Variants in CUX1 observed in about 807,000 individuals in gnomAD.
CUX1 encodes the protein cut like homeobox 1, also known as protein CASP.
In CUX1, 31 loss-of-function variants were observed where a neutral mutation model predicts 158.8. The ratio of observed to expected loss-of-function variants is 0.20; its 90% CI spans 0.15 to 0.26. CUX1 has a LOEUF of 0.26. CUX1 is among the 10% of genes least tolerant of loss of function. The probability of loss-of-function intolerance (pLI) is 1.00; values close to 1 mark genes in which losing one functional copy is unlikely to be tolerated. For synonymous variants in CUX1, 879 were observed against 862.1 expected (o/e 1.02, Z -0.34); for missense variants, 1,589 against 2,014.6 (o/e 0.79, Z 4.04).
intron 6 of CUX1, 114 bp downstream of exon 6, chr7:102,104,573 A>C: frequency 2.2e-6 from 3 of 1,343,018 alleles, no homozygotes; most frequent in Non-Finnish European, 2.0e-6. Flanking sequence ...GTAACCCCAA[A>C]TCTATAAGGG....
intron 20 of CUX1, among the ~76,000 whole-genome samples, chr7:102,216,790 ACTCTCC>A (rs1554525002): frequency 5.1e-5 from 2 of 39,424 alleles, no homozygotes; most frequent in Admixed American, 4.5e-4. Context: ...CCACACACAC[ACTCTCC>A]CACACACACC....
At chr7:102,019,503 G>A (rs1819086752) in intron 2 of CUX1, among the ~76,000 whole-genome samples, 1 of 152,142 alleles carries the variant, frequency 6.6e-6, no homozygotes, top group African/African-American at 2.4e-5. Flanking sequence ...GGGATTACAG[G>A]TATGAGCCAC....
At chr7:102,095,546 A>C (rs1419136046) in intron 4 of CUX1, among the ~76,000 whole-genome samples, 1 of 152,130 alleles carries the variant, frequency 6.6e-6, no homozygotes, top group Admixed American at 6.6e-5. Flanking sequence ...TAAACTCTGC[A>C]AAGACGCTGG....
At chr7:102,001,628 G>A (rs746303502) in intron 2 of CUX1, among the ~76,000 whole-genome samples, 1 of 152,214 alleles carries the variant, frequency 6.6e-6, no homozygotes, top group Non-Finnish European at 1.5e-5. Context: ...ACAGGCGTGA[G>A]CCACCGCGCC....
At chr7:102,170,616 C>G in intron 10 of CUX1, 66 bp downstream of exon 10, 2 of 1,098,456 alleles carry the variant, frequency 1.8e-6, no homozygotes, top group Non-Finnish European at 2.7e-6. Context: ...GTTACAGCCG[C>G]TTGCTCCTTT....
downstream of CUX1, among the ~76,000 whole-genome samples, chr7:102,262,833 C>G (rs1328083957): frequency 6.6e-5 from 10 of 152,110 alleles, no homozygotes; most frequent in Non-Finnish European, 1.3e-4. Flanking sequence ...CTAATACATA[C>G]CGAAGGCTGA....
intron 20 of CUX1, among the ~76,000 whole-genome samples, chr7:102,213,472 C>T (rs1324580032): frequency 2.0e-5 from 3 of 152,352 alleles, no homozygotes; most frequent in South Asian, 4.1e-4. Flanking sequence ...TGAGGGCTCA[C>T]ATAACTCTCG....
intron 3 of CUX1, among the ~76,000 whole-genome samples, chr7:102,035,130 A>G (rs1821279616): frequency 6.6e-6 from 1 of 151,924 alleles, no homozygotes; most frequent in South Asian, 2.1e-4. Context: ...AATACCTACT[A>G]TTGCTACTTT....
intron 10 of CUX1, among the ~76,000 whole-genome samples, chr7:102,175,773 G>T (rs1231549401): frequency 1.3e-5 from 2 of 152,200 alleles, no homozygotes; most frequent in East Asian, 3.9e-4. Flanking sequence ...GCATTATTCA[G>T]AGCGGTGCTT....
chr7:101,954,017 T>C lies in CUX1; in HGVS notation c.141+37792T>C, dbSNP rs1232807495. On this transcript the variant is annotated intron_variant, in intron 2 of 23. Coordinates refer to ENST00000292535, the MANE Select transcript of CUX1 (RefSeq NM_181552.4). ...TCTGGGTAACACAGCAAGACCCCCA[T>C]CTCTACAAAAAAAATTTTTTTAAGT... Among the ~76,000 whole-genome samples the C allele has an allele frequency of 2.6e-5, 4 of 152,170 alleles. No homozygotes were observed. In the South Asian group the frequency reaches 8.3e-4, roughly 32 times the overall value.
rs1166281312 is a variant in CUX1, at chr7:102,257,672, G to C, written c.*8630G>C. 3 of 985,214 alleles carry C rather than the reference G, an allele frequency of 3.0e-6. No individual in the cohort carries two copies. The African/African-American group carries it at 5.2e-5, about 17-fold the overall frequency. The allele number at this position is 985,214 out of a possible 1,614,324, so 61.0% of individuals were successfully genotyped here. On this transcript the variant is annotated 3_prime_UTR_variant, in exon 24 of 24. Coordinates refer to ENST00000292535, the MANE Select transcript of CUX1 (RefSeq NM_181552.4). Reference sequence around the variant, plus strand: ...CACAAGACGCACTCACAGGGTGGCGGAATCTTCCGGAAAACTCTCTATAAG... The same window carrying C: ...CACAAGACGCACTCACAGGGTGGCGCAATCTTCCGGAAAACTCTCTATAAG...
chr7:102,178,768 C>CA, intron 11 of CUX1, 111 bp downstream of exon 11: 1 of 1,170,920 alleles, frequency 8.5e-7, no homozygotes, highest in Non-Finnish European at 1.2e-6. Context: ...AGTGTGGCAA[C>CA]CTTGAACCTC....
At chr7:101,930,220 T>C (rs376632582) in intron 2 of CUX1, among the ~76,000 whole-genome samples, 64 of 152,358 alleles carry the variant, frequency 4.2e-4, no homozygotes, top group African/African-American at 1.5e-3. Context: ...TTTTGAGTAT[T>C]TCTTTGAAGT....
At chr7:102,156,457 T>C (rs1789775601) in intron 8 of CUX1, among the ~76,000 whole-genome samples, 1 of 152,102 alleles carries the variant, frequency 6.6e-6, no homozygotes, top group Non-Finnish European at 1.5e-5. Context: ...TCAAGGGAAC[T>C]CATCCAGTCC....
intron 21 of CUX1, among the ~76,000 whole-genome samples, chr7:102,232,966 G>A (rs1799157807): frequency 1.3e-5 from 2 of 152,178 alleles, no homozygotes; most frequent in African/African-American, 4.8e-5. Flanking sequence ...TGCTGTGATT[G>A]TGGGTTGCCT....
Position 102,099,458 on chromosome 7 carries a change from T to G in CUX1, c.406+1957T>G, listed in dbSNP as rs1266028976. Among the ~76,000 whole-genome samples the G allele has an allele frequency of 2.1e-5, 3 of 145,420 alleles. No homozygotes were observed. In the Admixed American group the frequency reaches 2.1e-4, roughly 10 times the overall value. ...TTGAGTTTTCATAGATACGCTACCC[T>G]AAAGGGGAGTATCCTGGTTTTTTTT... On this transcript the variant is annotated intron_variant, in intron 5 of 23. Transcript: ENST00000292535.
In CUX1 at chr7:102,274,309, CG is replaced by C. The variant is rs1563526047; in HGVS notation, c.1450+1del. 1 of 1,613,004 alleles carries C rather than the reference CG, an allele frequency of 6.2e-7. No homozygotes were observed. Among genetic ancestry groups the C allele is most frequent in the South Asian group, 1.1e-5 (1 of 91,070 alleles). On this transcript the variant is annotated frameshift_variant and splice_region_variant, in exon 16 of 23. Transcript: ENST00000292538. LOFTEE classifies it high-confidence loss of function. ...TCAAAGAGGCCACTGCCCTATTCTACGGTAAGGAGAGGCCTGACCCATGGGA... is the reference window on the plus strand; with the variant it reads ...TCAAAGAGGCCACTGCCCTATTCTACGTAAGGAGAGGCCTGACCCATGGGA...
chr7:101,872,457 A>G (rs1455402146), intron 1 of CUX1, among the ~76,000 whole-genome samples: 2 of 151,752 alleles, frequency 1.3e-5, no homozygotes, highest in African/African-American at 4.8e-5. Context: ...TTTTGGGGGG[A>G]AAGAATCTGT....
chr7:102,224,851 A>G (rs571046528), intron 20 of CUX1, among the ~76,000 whole-genome samples: 6 of 152,208 alleles, frequency 3.9e-5, no homozygotes, highest in African/African-American at 7.2e-5. Flanking sequence ...CCAGACAGCC[A>G]TGATGTTGAC....
Sources: gnomAD v4.1 joint callset for allele counts (sites outside exome capture counted in the v4.1 genomes callset) on GRCh38, gnomAD v4.1.1 for gene constraint, MANE v1.5 for transcripts, NCBI Gene and HGNC (gene_info 2026-07-23, HGNC 2026-07-21) for gene names.